Variants in PCDH9 observed in about 807,000 individuals in gnomAD.
The protein encoded by PCDH9 is protocadherin 9.
PCDH9 carries 24 observed loss-of-function variants against 70.6 expected under a neutral mutation model. That is an observed-to-expected ratio of 0.34 (90% CI 0.25 to 0.48). The LOEUF (loss-of-function observed/expected upper bound fraction) is 0.48, where lower values mean the gene tolerates loss of function less well. PCDH9 is among the 20% of genes least tolerant of loss of function. The probability of loss-of-function intolerance (pLI) is 0.99; values close to 1 mark genes in which losing one functional copy is unlikely to be tolerated. For missense variants in PCDH9, 1,281 were observed against 1,503.6 expected (o/e 0.85, Z 2.45); for synonymous variants, 562 against 558.5 (o/e 1.01, Z -0.09).
chr13:66,498,097 G>A (rs1445093624), intron 4 of PCDH9, among the ~76,000 whole-genome samples: 1 of 151,714 alleles, frequency 6.6e-6, no homozygotes, highest in Admixed American at 6.6e-5. Context: ...TGGGATTACA[G>A]GCGTGAGCCA....
At chr13:66,561,270 G>A (rs1220745421) in intron 4 of PCDH9, among the ~76,000 whole-genome samples, 7 of 152,282 alleles carry the variant, frequency 4.6e-5, no homozygotes, top group Non-Finnish European at 7.4e-5. Context: ...GGCAGGGCTC[G>A]GGACCTGCAG....
chr13:67,180,113 A>G (rs917470584), intron 2 of PCDH9, among the ~76,000 whole-genome samples: 1 of 152,150 alleles, frequency 6.6e-6, no homozygotes, highest in African/African-American at 2.4e-5. Flanking sequence ...AAGGTAGATG[A>G]AAGAGCTAAT....
chr13:66,520,303 A>G (rs1435328100), intron 4 of PCDH9, among the ~76,000 whole-genome samples: 1 of 152,096 alleles, frequency 6.6e-6, no homozygotes, highest in Non-Finnish European at 1.5e-5. Context: ...TTGCTTTGGA[A>G]CTCAGCATTG....
At chr13:67,166,755 G>A (rs553632398) in intron 2 of PCDH9, among the ~76,000 whole-genome samples, 14 of 152,252 alleles carry the variant, frequency 9.2e-5, no homozygotes, top group African/African-American at 3.1e-4. Flanking sequence ...TATAATGTTG[G>A]AATAAAATGG....
chr13:66,370,110 C>T (rs1435309732), intron 4 of PCDH9, among the ~76,000 whole-genome samples: 1 of 152,052 alleles, frequency 6.6e-6, no homozygotes, highest in Admixed American at 6.6e-5. Flanking sequence ...CCCTGACCTC[C>T]TTTTCTTTGA....
At chr13:66,327,635 A>C (rs1955870991) in intron 4 of PCDH9, among the ~76,000 whole-genome samples, 1 of 152,188 alleles carries the variant, frequency 6.6e-6, no homozygotes, top group Non-Finnish European at 1.5e-5. Context: ...CCAAAGTTCA[A>C]ATACCTGTGC....
At chr13:66,320,264 A>G (rs371588407) in intron 4 of PCDH9, among the ~76,000 whole-genome samples, 10 of 152,042 alleles carry the variant, frequency 6.6e-5, no homozygotes, top group African/African-American at 2.4e-4. Flanking sequence ...TTTTGATTTC[A>G]TGCTGTAAAG....
At chr13:66,507,879 G>A (rs1473852642) in intron 4 of PCDH9, among the ~76,000 whole-genome samples, 1 of 151,934 alleles carries the variant, frequency 6.6e-6, no homozygotes, top group African/African-American at 2.4e-5. Flanking sequence ...GTGCCCCCAC[G>A]CCCAGCTAAT....
chr13:67,130,813 A>G (rs988071106), intron 2 of PCDH9, among the ~76,000 whole-genome samples: 56 of 151,944 alleles, frequency 3.7e-4, no homozygotes, highest in Admixed American at 6.6e-5. Flanking sequence ...GCCTGTATGC[A>G]CCGGTGGGCC....
At chr13:67,163,593 T>C (rs1275918693) in intron 2 of PCDH9, among the ~76,000 whole-genome samples, 1 of 152,210 alleles carries the variant, frequency 6.6e-6, no homozygotes, top group Non-Finnish European at 1.5e-5. Flanking sequence ...AGACAGTAAT[T>C]ACAATTTCTG....
chr13:67,180,554 G>T (rs2088588961), intron 2 of PCDH9, among the ~76,000 whole-genome samples: 1 of 151,980 alleles, frequency 6.6e-6, no homozygotes. Context: ...TTCACTTTTT[G>T]TTATTGATTT....
At chr13:66,668,579 T>C (rs1196733295) in intron 3 of PCDH9, among the ~76,000 whole-genome samples, 1 of 152,166 alleles carries the variant, frequency 6.6e-6, no homozygotes, top group African/African-American at 2.4e-5. Flanking sequence ...AATAGCCCCC[T>C]TGTTTGATTT....
At chr13:66,586,258 A>G (rs2138798824) in intron 4 of PCDH9, among the ~76,000 whole-genome samples, 1 of 152,356 alleles carries the variant, frequency 6.6e-6, no homozygotes, top group African/African-American at 2.4e-5. Context: ...AGTGATCCAA[A>G]GTAATGCTAT....
At chr13:66,498,800 T>C (rs1959156962) in intron 4 of PCDH9, among the ~76,000 whole-genome samples, 1 of 152,092 alleles carries the variant, frequency 6.6e-6, no homozygotes, top group Non-Finnish European at 1.5e-5. Context: ...TTTGTCACCT[T>C]GCCTTTGAAA....
In PCDH9 at chr13:66,380,607, C is replaced by G. The variant is rs796446614; in HGVS notation, c.3341-75579G>C. 1.5e-4 allele frequency among the ~76,000 whole-genome samples: 19 copies of G among 125,974 alleles called. No homozygotes were observed. The East Asian group carries it at 4.4e-3, about 29-fold the overall frequency. 82.6% of individuals were successfully genotyped at this position (125,974 alleles called of 152,430 possible). A position where few individuals can be genotyped will look rare whatever the true frequency, so the allele number is the denominator to read the frequency against. ...TGCCCAGGCTGGAGTGCAGTGGCGT[C>G]ATCTCGGCTCACTGCAAGCTCCGCC... On this transcript the variant is annotated intron_variant, in intron 4 of 4. Transcript: ENST00000377865.
At chr13:66,818,665 G>C (rs1173930263) in intron 3 of PCDH9, among the ~76,000 whole-genome samples, 2 of 152,130 alleles carry the variant, frequency 1.3e-5, no homozygotes, top group Non-Finnish European at 2.9e-5. Flanking sequence ...AGGTGCGGTG[G>C]CTCACGCCTG....
chr13:66,730,864 T>TTTG lies in PCDH9; in HGVS notation c.3139-99454_3139-99453insCAA, dbSNP rs1555262841. On this transcript the variant is annotated intron_variant, in intron 3 of 4. Transcript: ENST00000377865. ...TGGCTGTTTTTTTGTTTTTGTTTTT[T>TTTG]TGTGTGTGTGTGTTTTTTTTTTGTT... 2.0e-4 allele frequency among the ~76,000 whole-genome samples: 25 copies of TTTG among 122,294 alleles called. No homozygotes were observed. The East Asian group carries it at 2.1e-3, about 10-fold the overall frequency. The allele number at this position is 122,294 out of a possible 152,430, so 80.2% of individuals were successfully genotyped here.
At chr13:66,433,037 G>A (rs1250035519) in intron 4 of PCDH9, among the ~76,000 whole-genome samples, 1 of 151,854 alleles carries the variant, frequency 6.6e-6, no homozygotes, top group South Asian at 2.1e-4. Context: ...GACAGTCTTA[G>A]GGCAGAAGAA....
At chr13:66,802,328 T>A (rs960603969) in intron 3 of PCDH9, among the ~76,000 whole-genome samples, 2 of 152,064 alleles carry the variant, frequency 1.3e-5, no homozygotes, top group Admixed American at 1.3e-4. Flanking sequence ...CAGGCACATA[T>A]AAGGCTGTTG....
Sources: gnomAD v4.1 joint callset for allele counts (sites outside exome capture counted in the v4.1 genomes callset) on GRCh38, gnomAD v4.1.1 for gene constraint, MANE v1.5 for transcripts, NCBI Gene and HGNC (gene_info 2026-07-23, HGNC 2026-07-21) for gene names.